CEP128: variants seen among roughly 807,000 people sequenced by gnomAD.
The protein encoded by CEP128 is centrosomal protein 128kDa.
In CEP128, 132 loss-of-function variants were observed where a neutral mutation model predicts 156.7. The observed-to-expected ratio is 0.84, with a 90% CI of 0.73 to 0.97. The LOEUF (loss-of-function observed/expected upper bound fraction) is 0.97. Ranked by LOEUF, CEP128 falls within the 50% of genes least tolerant of loss-of-function variation. The pLI is 0.00. For synonymous variants in CEP128, 469 were observed against 448.9 expected, an observed-to-expected ratio of 1.04 and a Z score of -0.57; for missense variants, 1,252 against 1,281.9, an observed-to-expected ratio of 0.98 and a Z score of 0.36.
At chr14:80,906,256 T>A (rs1402017799) in intron 4 of CEP128, among the ~76,000 whole-genome samples, 175 bp from the exon 5 acceptor site, 1 of 152,214 alleles carries the variant, frequency 6.6e-6, no homozygotes, top group East Asian at 1.9e-4. Context: ...AATACAAATA[T>A]TTTAAGAACC....
In CEP128 at chr14:80,815,052, C is replaced by T. The variant is rs148518726; in HGVS notation, c.1209+16091G>A. ...CAGCCTTGGCAACAGAGCGAGACTC[C>T]GTCTCAAAAAGGCAAAAAGAAACAA... On this transcript the variant is annotated intron_variant, in intron 13 of 24. Coordinates refer to ENST00000555265, the MANE Select transcript of CEP128 (RefSeq NM_152446.5). 6.5e-3 allele frequency among the ~76,000 whole-genome samples: 995 copies of T among 151,974 alleles called. 8 individuals are homozygous for T. The highest frequency in any genetic ancestry group is 6.3e-3 in the Non-Finnish European group (426 of 67,958).
chr14:80,724,359 T>A (rs1269880340), intron 19 of CEP128, among the ~76,000 whole-genome samples: 1 of 152,054 alleles, frequency 6.6e-6, no homozygotes, highest in African/African-American at 2.4e-5. Flanking sequence ...CTCAATTAGT[T>A]CAATACTTAA....
At chr14:80,731,041 T>C (rs780235479) in intron 19 of CEP128, among the ~76,000 whole-genome samples, 8 of 152,188 alleles carry the variant, frequency 5.3e-5, no homozygotes, top group Non-Finnish European at 1.0e-4. Context: ...TTTCTAATGG[T>C]ATAGTCATTA....
chr14:80,905,755 GA>G (rs60483596), intron 5 of CEP128, 199 bp downstream of exon 5: 20,855 of 387,496 alleles, frequency 0.054, 1,340 homozygotes, highest in African/African-American at 0.26. Flanking sequence ...CAGAGTTTGA[GA>G]AAAAAAAAAA....
At chr14:80,830,354 C>A in intron 13 of CEP128, 1 of 417,994 alleles carries the variant, frequency 2.4e-6, no homozygotes, top group Non-Finnish European at 4.3e-6. Context: ...AAATTAGGTG[C>A]TTTTAACACT....
At chr14:80,756,768 C>T (rs1899681393) in intron 18 of CEP128, 124 bp downstream of exon 18, 2 of 651,568 alleles carry the variant, frequency 3.1e-6, no homozygotes, top group Admixed American at 6.2e-5. Flanking sequence ...GTGATATCTT[C>T]CCCTGCAATT....
chr14:80,926,145 G>C (rs1411182544), intron 2 of CEP128, among the ~76,000 whole-genome samples: 3 of 152,152 alleles, frequency 2.0e-5, no homozygotes, highest in Non-Finnish European at 4.4e-5. Context: ...GAACCGAGGG[G>C]TGGGCAGAAA....
At chr14:80,892,750 A>G (rs1889161818) in intron 8 of CEP128, among the ~76,000 whole-genome samples, 1 of 152,002 alleles carries the variant, frequency 6.6e-6, no homozygotes, top group African/African-American at 2.4e-5. Flanking sequence ...ATCTAAATAG[A>G]CATTTCTCCA....
At chr14:80,941,764 A>C (rs1272993006), upstream of CEP128, 1 of 152,746 alleles carries the variant, frequency 6.5e-6, no homozygotes, top group Non-Finnish European at 1.5e-5. Flanking sequence ...GCAAGAGTAC[A>C]GGACCCCGCT....
chr14:80,676,119 A>T (rs1311337200), intron 19 of CEP128, among the ~76,000 whole-genome samples: 1 of 152,084 alleles, frequency 6.6e-6, no homozygotes, highest in Non-Finnish European at 1.5e-5. Context: ...AATTTGTATC[A>T]CTGCATCTAT....
intron 19 of CEP128, among the ~76,000 whole-genome samples, chr14:80,640,154 A>G (rs1392478829): frequency 6.6e-6 from 1 of 152,178 alleles, no homozygotes; most frequent in Non-Finnish European, 1.5e-5. Flanking sequence ...CTAGATCAAA[A>G]CACAAATAAG....
intron 19 of CEP128, among the ~76,000 whole-genome samples, chr14:80,742,242 GA>G (rs1333024157): frequency 6.6e-6 from 1 of 152,020 alleles, no homozygotes; most frequent in Non-Finnish European, 1.5e-5. Context: ...TTGATTTTAA[GA>G]ATTAGGTAAA....
intron 9 of CEP128, among the ~76,000 whole-genome samples, chr14:80,847,190 A>G (rs1415010139): frequency 3.3e-5 from 5 of 152,186 alleles, no homozygotes; most frequent in African/African-American, 1.2e-4. Context: ...AGGCTGAATA[A>G]GAGGGCAAGG....
At chr14:80,923,253 T>C (rs1164832655) in intron 2 of CEP128, among the ~76,000 whole-genome samples, 2 of 152,220 alleles carry the variant, frequency 1.3e-5, no homozygotes, top group African/African-American at 2.4e-5. Flanking sequence ...TCACTCCCAC[T>C]GAGGATCTAT....
intron 3 of CEP128, 21 bp downstream of exon 3, chr14:80,916,380 T>G (rs1344502606): frequency 1.3e-6 from 2 of 1,595,776 alleles, no homozygotes; most frequent in Admixed American, 1.7e-5. Flanking sequence ...TTCTATTAAA[T>G]GCAACCATTG....
chr14:80,764,416 G>T (rs939370184), intron 16 of CEP128, among the ~76,000 whole-genome samples: 1 of 151,676 alleles, frequency 6.6e-6, no homozygotes, highest in Non-Finnish European at 1.5e-5. Context: ...GGAGAATGGC[G>T]TGAACCCGGG....
At chr14:80,583,679 G>C (rs1891683861) in intron 19 of CEP128, among the ~76,000 whole-genome samples, 1 of 152,222 alleles carries the variant, frequency 6.6e-6, no homozygotes, top group Non-Finnish European at 1.5e-5. Context: ...CCAAGAAAGA[G>C]AGAATTGCTT....
rs79695673 is a variant in CEP128, at chr14:80,915,979, C to T, written c.147+422G>A. ...AAGACTTTTAGATGGAGAGATTCTC[C>T]TGGATTATTGGGTGGACCCAATGAA... On this transcript the variant is annotated intron_variant, in intron 3 of 24. Coordinates refer to ENST00000555265, the MANE Select transcript of CEP128 (RefSeq NM_152446.5). 3.4e-3 allele frequency among the ~76,000 whole-genome samples: 519 copies of T among 152,292 alleles called. 5 individuals are homozygous for T. Among genetic ancestry groups the T allele is most frequent in the African/African-American group, 0.012 (499 of 41,560 alleles).
chr14:80,494,442 A>G (rs1032478777), downstream of CEP128, among the ~76,000 whole-genome samples: 3 of 152,242 alleles, frequency 2.0e-5, no homozygotes, highest in African/African-American at 4.8e-5. Context: ...ATTTAGAGTA[A>G]GAACAAATCC....
Sources: gnomAD v4.1 joint callset for allele counts (sites outside exome capture counted in the v4.1 genomes callset) on GRCh38, gnomAD v4.1.1 for gene constraint, MANE v1.5 for transcripts, NCBI Gene and HGNC (gene_info 2026-07-23, HGNC 2026-07-21) for gene names.